KMT2C: variants seen among roughly 807,000 people sequenced by gnomAD.
The protein encoded by KMT2C is histone-lysine N-methyltransferase 2C.
Under a neutral mutation model 507.9 loss-of-function variants are expected in KMT2C, and 88 were observed. The observed-to-expected ratio is 0.17, with a 90% CI of 0.15 to 0.21. The LOEUF (loss-of-function observed/expected upper bound fraction) is 0.21. KMT2C is among the 10% of genes least tolerant of loss of function. The pLI is 1.00. For missense variants in KMT2C, 4,954 were observed against 5,957.8 expected, an observed-to-expected ratio of 0.83 and a Z score of 5.55; for synonymous variants, 2,049 against 2,080.8, an observed-to-expected ratio of 0.98 and a Z score of 0.42.
At chr7:152,145,319 A>G (rs1375576030) in intron 53 of KMT2C, 24 bp from the exon 54 acceptor site, 1 of 1,611,368 alleles carries the variant, frequency 6.2e-7, no homozygotes, top group Non-Finnish European at 8.5e-7. Flanking sequence ...AAGCAGACAC[A>G]AAGTCACCCC....
Position 152,135,826 on chromosome 7 carries a change from GCT to G in KMT2C, c.*1004_*1005del, listed in dbSNP as rs1467314692. Reference sequence around the variant, plus strand: ...AAGTTGTAGTCGTAGCATACGCCCCGCTCTGTCAGAAGTAAGGTGTATAAAAC... The same window carrying G: ...AAGTTGTAGTCGTAGCATACGCCCCGCTGTCAGAAGTAAGGTGTATAAAAC... On this transcript the variant is annotated 3_prime_UTR_variant, in exon 59 of 59. Transcript: ENST00000262189. 1.3e-5 allele frequency: 3 copies of G among 230,396 alleles called. No homozygotes were observed. Among genetic ancestry groups the G allele is most frequent in the African/African-American group, 6.6e-5 (3 of 45,116 alleles). The allele number at this position is 230,396 out of a possible 1,614,324, so 14.3% of individuals were successfully genotyped here. A position where few individuals can be genotyped will look rare whatever the true frequency, so the allele number is the denominator to read the frequency against.
intron 22 of KMT2C, 66 bp from the exon 23 acceptor site, chr7:152,220,801 C>T (rs1343188492): frequency 8.7e-7 from 1 of 1,147,326 alleles, no homozygotes; most frequent in Non-Finnish European, 1.3e-6. Context: ...GATTACTGTT[C>T]CAAAATACCC....
Position 152,181,285 on chromosome 7 carries a change from G to A in KMT2C, c.6575C>T (p.Thr2192Ile), listed in dbSNP as rs765174568. The A allele has an allele frequency of 6.2e-7, 1 of 1,614,100 alleles. No individual in the cohort carries two copies. Among genetic ancestry groups the A allele is most frequent in the Non-Finnish European group, 8.5e-7 (1 of 1,180,014 alleles). ...RPSTQTDLFV[T>I]PVTNQRHSDP... Reference sequence around the variant, plus strand: ...AGAATGCCTCTGATTTGTTACAGGTGTAACAAACAAGTCAGTTTGTGTAGA... The same window carrying A: ...AGAATGCCTCTGATTTGTTACAGGTATAACAAACAAGTCAGTTTGTGTAGA... Residue 2192 changes from threonine (T) to isoleucine (I), a missense_variant, in exon 36 of 59, where the codon ACA (threonine) becomes ATA (isoleucine). Physicochemically the swap from Thr to Ile is moderately conservative, Grantham distance 89 (BLOSUM62 -1). This residue lies in a region of KMT2C where 1,689 missense variants were observed against 1,654.3 expected (regional missense o/e 1.02). Transcript: ENST00000262189.
chr7:152,412,129 C>T (rs981063595), intron 1 of KMT2C, among the ~76,000 whole-genome samples: 2 of 150,900 alleles, frequency 1.3e-5, no homozygotes, highest in Non-Finnish European at 3.0e-5. Flanking sequence ...TGGCCAAGAG[C>T]GGTGGCTCAT....
intron 6 of KMT2C, among the ~76,000 whole-genome samples, chr7:152,275,158 C>A (rs1401807932): frequency 1.3e-5 from 2 of 152,204 alleles, no homozygotes; most frequent in African/African-American, 4.8e-5. Context: ...TACTATCAAA[C>A]TCTTCCTCAC....
At chr7:152,325,996 T>C (rs1268691336) in intron 3 of KMT2C, among the ~76,000 whole-genome samples, 1 of 152,114 alleles carries the variant, frequency 6.6e-6, no homozygotes, top group Non-Finnish European at 1.5e-5. Flanking sequence ...GTGATGCCCC[T>C]TTGTTATAAA....
intron 1 of KMT2C, among the ~76,000 whole-genome samples, chr7:152,380,350 C>G (rs2097362888): frequency 6.6e-6 from 1 of 152,250 alleles, no homozygotes; most frequent in African/African-American, 2.4e-5. Context: ...GGCAGATCAC[C>G]TGAGGTCAGG....
chr7:152,206,987 A>G (rs540460884), intron 24 of KMT2C, among the ~76,000 whole-genome samples: 1 of 152,214 alleles, frequency 6.6e-6, no homozygotes, highest in East Asian at 1.9e-4. Flanking sequence ...ATCCAGAGGA[A>G]CTATATAAAT....
intron 55 of KMT2C, 106 bp from the exon 56 acceptor site, chr7:152,139,897 G>T: frequency 4.1e-6 from 3 of 738,352 alleles, no homozygotes; most frequent in South Asian, 1.9e-5. Context: ...CCATACTTAA[G>T]TTTCACTTGA....
intron 1 of KMT2C, among the ~76,000 whole-genome samples, chr7:152,397,363 T>A (rs2097543658): frequency 6.6e-6 from 1 of 152,080 alleles, no homozygotes. Context: ...TCCTCTGCCA[T>A]CACTCTACTC....
At chr7:152,155,285 T>C (rs2091963210) in intron 46 of KMT2C, among the ~76,000 whole-genome samples, 1 of 152,178 alleles carries the variant, frequency 6.6e-6, no homozygotes, top group Non-Finnish European at 1.5e-5. Flanking sequence ...TTAGGTTAAA[T>C]AAATGTCTCA....
At position 152,177,901 on chromosome 7, in the gene KMT2C, C is replaced by T. The variant is rs1183096430; in HGVS notation, c.7552G>A (p.Val2518Ile). ...AAAGGCCTAGGCATATCTACAGATACTGATCTTCTTAGCTGTGGAGAAACT... is the reference window on the plus strand; with the variant it reads ...AAAGGCCTAGGCATATCTACAGATATTGATCTTCTTAGCTGTGGAGAAACT... Reference protein sequence around the residue: ...SGVSPQLRRSVSVDMPRPLNN... With the variant: ...SGVSPQLRRSISVDMPRPLNN... Residue 2518 changes from valine to isoleucine, a missense_variant, in exon 38 of 59, where the codon GTA becomes ATA. Physicochemically the swap from Val to Ile is conservative, Grantham distance 29. Around this residue, in one of 29 missense-constraint regions of KMT2C, gnomAD observed 1,689 missense variants for 1,654.3 expected, o/e 1.02. Transcript: ENST00000262189. 1.9e-6 allele frequency: 3 copies of T among 1,612,074 alleles called. No homozygotes were observed. The highest frequency in any genetic ancestry group is 2.2e-5 in the East Asian group (1 of 44,786).
chr7:152,315,355 G>GT lies in KMT2C; in HGVS notation c.390-18dup, dbSNP rs2096712520. 2.5e-6 allele frequency: 4 copies of GT among 1,595,654 alleles called. No homozygotes were observed. In the East Asian group the frequency reaches 8.9e-5, roughly 36 times the overall value. ...AGCTGTTCACTAGTAAAAATGAAAT[G>GT]TAAGTCAGAGAAGGAGAAAAGTAGC... On this transcript the variant is annotated splice_polypyrimidine_tract_variant and intron_variant, in intron 3 of 58. Transcript: ENST00000262189.
rs1382232203 is a variant in KMT2C, at chr7:152,433,133, G to C, written c.161+2493C>G. Among the ~76,000 whole-genome samples, 4 of 150,132 alleles carry C rather than the reference G, an allele frequency of 2.7e-5. No homozygotes were observed. In the East Asian group the frequency reaches 7.8e-4, roughly 29 times the overall value. On this transcript the variant is annotated intron_variant, in intron 1 of 58. Coordinates refer to ENST00000262189, the MANE Select transcript of KMT2C (RefSeq NM_170606.3). ...ACTGCACTACAGCCTGGGCTACAGAGCAAGACTTCGTCCAGAAAAAAAAAA... is the reference window on the plus strand; with the variant it reads ...ACTGCACTACAGCCTGGGCTACAGACCAAGACTTCGTCCAGAAAAAAAAAA...
chr7:152,385,419 C>T (rs1231659552), intron 1 of KMT2C, among the ~76,000 whole-genome samples: 5 of 133,708 alleles, frequency 3.7e-5, no homozygotes, highest in South Asian at 4.6e-4. Context: ...GAGACCATCC[C>T]GGCTAAAACG....
At position 152,182,443 on chromosome 7, in the gene KMT2C, A is replaced by G. The variant is rs747374662; in HGVS notation, c.5417T>C (p.Ile1806Thr). 1 of 1,614,102 alleles carries G rather than the reference A, an allele frequency of 6.2e-7. No individual in the cohort carries two copies. The highest frequency in any genetic ancestry group is 8.5e-7 in the Non-Finnish European group (1 of 1,179,982). The change falls in exon 36 of 59, where the codon ATA becomes ACA. Residue 1806 changes from isoleucine (I) to threonine (T), a missense_variant. Transcript: ENST00000262189. ...QSGSDTPSSG[I>T]QSPLTPQPGN... is the part of the protein sequence containing the mutation. ...AGGCTGAGGTGTCAAGGGACTCTGTATCCCACTACTTGGTGTATCTGAACC... is the reference window on the plus strand; with the variant it reads ...AGGCTGAGGTGTCAAGGGACTCTGTGTCCCACTACTTGGTGTATCTGAACC...
intron 26 of KMT2C, among the ~76,000 whole-genome samples, chr7:152,201,485 G>C (rs372886990): frequency 1.3e-4 from 20 of 151,904 alleles, no homozygotes; most frequent in East Asian, 1.2e-3. Context: ...CCTAAAGAAA[G>C]CTTCTTAAAT....
Position 152,179,670 on chromosome 7 carries a change from G to C in KMT2C, c.7442+164C>G, listed in dbSNP as rs978453871. 2.4e-4 allele frequency among the ~76,000 whole-genome samples: 34 copies of C among 141,912 alleles called. 2 individuals carry two copies. The highest frequency in any genetic ancestry group is 7.9e-4 in the African/African-American group (31 of 39,432). 93.1% of individuals were successfully genotyped at this position (141,912 alleles called of 152,430 possible). On this transcript the variant is annotated intron_variant, in intron 37 of 58. Coordinates refer to ENST00000262189, the MANE Select transcript of KMT2C (RefSeq NM_170606.3). ...TTTGTTGAAGAGGTTGGGGGGGGGG[G>C]GGGGTGGTCTCACTATATTGCCCAG...
At position 152,194,125 on chromosome 7, in the gene KMT2C, A is replaced by G. The variant is rs2093892758; in HGVS notation, c.4544T>C (p.Leu1515Pro). 1 of 1,570,890 alleles carries G rather than the reference A, an allele frequency of 6.4e-7. No homozygotes were observed. The highest frequency in any genetic ancestry group is 8.6e-7 in the Non-Finnish European group (1 of 1,165,442). ...TAAGTCTTCAACATCTTTTCCGCCA[A>G]GCTCTAGGAGATAAAACAATAATAG... ...ILGKLYKIPE[L>P]GGKDVEDLFT... is the part of the protein sequence containing the mutation. Residue 1515 changes from leucine (L) to proline (P), a missense_variant, in exon 31 of 59, where the codon CTT (leucine) becomes CCT (proline). By Grantham distance (98) the Leu-to-Pro change is moderately conservative. Around this residue, in one of 29 missense-constraint regions of KMT2C, gnomAD observed 195 missense variants for 183.7 expected, o/e 1.06. Coordinates refer to ENST00000262189, the MANE Select transcript of KMT2C (RefSeq NM_170606.3).
Sources: gnomAD v4.1 joint callset for allele counts (sites outside exome capture counted in the v4.1 genomes callset) on GRCh38, gnomAD v4.1.1 for gene constraint, gnomAD v4.1.1 regional missense constraint, MANE v1.5 for transcripts, NCBI Gene and HGNC (gene_info 2026-07-23, HGNC 2026-07-21) for gene names.